Variants in SNX29 observed in about 807,000 individuals in gnomAD.
The protein encoded by SNX29 is sorting nexin 29, also known as sorting nexin-29.
Under a neutral mutation model 102.1 loss-of-function variants are expected in SNX29, and 78 were observed. That is an observed-to-expected ratio of 0.76 (90% CI 0.64 to 0.92). SNX29 has a LOEUF of 0.92. Ranked by LOEUF, SNX29 falls within the 40% of genes least tolerant of loss-of-function variation. SNX29 has a pLI of 0.00. For missense variants in SNX29, 1,280 were observed against 1,061.7 expected, an observed-to-expected ratio of 1.21 and a Z score of -2.86; for synonymous variants, 580 against 414.5, an observed-to-expected ratio of 1.40 and a Z score of -4.85.
At chr16:12,116,118 T>C (rs1411372570) in intron 11 of SNX29, among the ~76,000 whole-genome samples, 1 of 152,228 alleles carries the variant, frequency 6.6e-6, no homozygotes, top group Non-Finnish European at 1.5e-5. Flanking sequence ...TGAAAAACTC[T>C]CTCTCCTAAT....
intron 14 of SNX29, among the ~76,000 whole-genome samples, chr16:12,220,242 C>G (rs2077440612): frequency 6.9e-6 from 1 of 144,630 alleles, no homozygotes; most frequent in South Asian, 2.2e-4. Context: ...GAAGATGCAT[C>G]ACTTTTTGTG....
intron 13 of SNX29, among the ~76,000 whole-genome samples, chr16:12,193,792 G>T (rs1020868197): frequency 1.3e-5 from 2 of 152,112 alleles, no homozygotes; most frequent in African/African-American, 4.8e-5. Context: ...TCGTCACATT[G>T]CTTGATTGTG....
At chr16:12,263,356 G>T (rs2078836344) in intron 14 of SNX29, among the ~76,000 whole-genome samples, 1 of 152,126 alleles carries the variant, frequency 6.6e-6, no homozygotes, top group Admixed American at 6.5e-5. Flanking sequence ...TCAAACTCCT[G>T]ACCTCAGGTG....
chr16:12,338,382 C>G (rs937197374), intron 15 of SNX29, among the ~76,000 whole-genome samples: 1 of 152,132 alleles, frequency 6.6e-6, no homozygotes, highest in Non-Finnish European at 1.5e-5. Flanking sequence ...GGGATCAGAC[C>G]AGCAGAGGGA....
chr16:12,389,327 G>A (rs1193252096), intron 16 of SNX29, among the ~76,000 whole-genome samples: 1 of 152,180 alleles, frequency 6.6e-6, no homozygotes, highest in Non-Finnish European at 1.5e-5. Flanking sequence ...CCCACATGTT[G>A]TGGAAGGGAC....
At chr16:11,990,556 G>A (rs2055809285) in intron 1 of SNX29, among the ~76,000 whole-genome samples, 1 of 152,088 alleles carries the variant, frequency 6.6e-6, no homozygotes, top group Non-Finnish European at 1.5e-5. Flanking sequence ...ATTTGGAATG[G>A]TTGTGGATTT....
At chr16:11,986,893 A>G (rs73515603) in intron 1 of SNX29, among the ~76,000 whole-genome samples, 1 of 152,172 alleles carries the variant, frequency 6.6e-6, no homozygotes, top group East Asian at 1.9e-4. Context: ...AAAAGTCAGC[A>G]GCTGGATTTG....
At chr16:12,446,919 C>T (rs1250934049) in intron 18 of SNX29, among the ~76,000 whole-genome samples, 2 of 151,806 alleles carry the variant, frequency 1.3e-5, no homozygotes, top group African/African-American at 4.8e-5. Flanking sequence ...AATCCCAGAA[C>T]TTTGGGAGGT....
chr16:12,199,556 G>T (rs2076862007), intron 13 of SNX29, 45 bp from the exon 14 acceptor site: 15 of 1,546,556 alleles, frequency 9.7e-6, no homozygotes, highest in Non-Finnish European at 1.2e-5. Flanking sequence ...GGTCCACATT[G>T]TCACTTTTTA....
intron 14 of SNX29, among the ~76,000 whole-genome samples, chr16:12,252,694 C>T (rs868411895): frequency 1.2e-4 from 18 of 152,220 alleles, no homozygotes; most frequent in East Asian, 1.9e-4. Context: ...CTGGCAGCCC[C>T]GTTGCGGTGC....
intron 19 of SNX29, among the ~76,000 whole-genome samples, chr16:12,488,827 T>C (rs182249779): frequency 4.7e-4 from 71 of 152,332 alleles, no homozygotes; most frequent in African/African-American, 1.6e-3. Context: ...GGTCTGGTGT[T>C]CTCAGTGAAC....
intron 20 of SNX29, among the ~76,000 whole-genome samples, chr16:12,541,617 T>C (rs931773658): frequency 6.6e-6 from 1 of 152,180 alleles, no homozygotes; most frequent in Non-Finnish European, 1.5e-5. Context: ...GGGCCACATC[T>C]CTGTCGGGGT....
chr16:12,075,435 C>A (rs1013295198), intron 10 of SNX29, among the ~76,000 whole-genome samples: 3 of 152,196 alleles, frequency 2.0e-5, no homozygotes, highest in African/African-American at 7.2e-5. Flanking sequence ...CCACTCCAGA[C>A]CCTGTTTGCA....
intron 18 of SNX29, among the ~76,000 whole-genome samples, chr16:12,461,170 A>G (rs2086761706): frequency 6.6e-6 from 1 of 152,220 alleles, no homozygotes; most frequent in Non-Finnish European, 1.5e-5. Flanking sequence ...ATTCTATCTC[A>G]GGCAGCCTTA....
chr16:12,557,436 A>C (rs1391439459), intron 20 of SNX29: 1 of 152,200 alleles, frequency 6.6e-6, no homozygotes, highest in Non-Finnish European at 1.5e-5. Flanking sequence ...ATGTTGGCTC[A>C]CTGCAACCTC....
intron 10 of SNX29, among the ~76,000 whole-genome samples, chr16:12,077,425 G>GTGTGTA (rs1458554235): frequency 2.0e-5 from 3 of 147,076 alleles, no homozygotes; most frequent in African/African-American, 7.5e-5. Flanking sequence ...GTGTGTGTGT[G>GTGTGTA]TGTATCTCTG....
intron 18 of SNX29, among the ~76,000 whole-genome samples, chr16:12,413,579 G>T: frequency 6.6e-6 from 1 of 151,634 alleles, no homozygotes; most frequent in Middle Eastern, 3.4e-3. Context: ...AAGTGACAGG[G>T]CCCTCGAGAC....
intron 19 of SNX29, among the ~76,000 whole-genome samples, chr16:12,493,815 C>G (rs1382257559): frequency 6.6e-6 from 1 of 152,218 alleles, no homozygotes; most frequent in African/African-American, 2.4e-5. Flanking sequence ...TGGTTGCAAA[C>G]TCCTGACCTC....
chr16:12,015,875 T>A lies in SNX29; in HGVS notation c.123-11445T>A, dbSNP rs541836494. ...TCTAATGATTCTTTTTATTTATTTA[T>A]TTTTTTTGGGACAGAATGTCGCTCT... On this transcript the variant is annotated intron_variant, in intron 3 of 20. Transcript: ENST00000566228. Among the ~76,000 whole-genome samples, 7 of 150,722 alleles carry A rather than the reference T, an allele frequency of 4.6e-5. No individual in the cohort carries two copies. The East Asian group carries it at 1.4e-3, about 29-fold the overall frequency.
Sources: gnomAD v4.1 joint callset for allele counts (sites outside exome capture counted in the v4.1 genomes callset) on GRCh38, gnomAD v4.1.1 for gene constraint, MANE v1.5 for transcripts, NCBI Gene and HGNC (gene_info 2026-07-23, HGNC 2026-07-21) for gene names.